Variants in CREB3L2 observed in about 807,000 individuals in gnomAD.
CREB3L2 encodes the protein cAMP responsive element binding protein 3 like 2, also known as cyclic AMP-responsive element-binding protein 3-like protein 2.
In CREB3L2, 23 loss-of-function variants were observed where a neutral mutation model predicts 57.2. The observed-to-expected ratio is 0.40, with a 90% confidence interval of 0.29 to 0.57. CREB3L2 has a LOEUF of 0.57. Ranked by LOEUF, CREB3L2 falls within the 20% of genes least tolerant of loss-of-function variation. The probability of loss-of-function intolerance (pLI) is 0.42; values close to 1 mark genes in which losing one functional copy is unlikely to be tolerated. For missense variants in CREB3L2, 628 were observed against 634.7 expected (o/e 0.99, Z 0.11); for synonymous variants, 268 against 265.1 (o/e 1.01, Z -0.11).
chr7:137,880,502 C>G lies in CREB3L2; in HGVS notation c.1537G>C (p.Asp513His). 1 of 1,613,760 alleles carries G rather than the reference C, an allele frequency of 6.2e-7. No individual in the cohort carries two copies. The highest frequency in any genetic ancestry group is 8.5e-7 in the Non-Finnish European group (1 of 1,179,820). ...GNETLKVVEL[D>H]RRVNTTF ...TAGAAAGTGGTGTTCACTCTTCTGT[C>G]GAGTTCTACAACTTTTAGTGTTTCA... Residue 513 changes from aspartate to histidine, a missense_variant, in exon 12 of 12, where the codon GAC (aspartate) becomes CAC (histidine). Physicochemically the swap from Asp to His is moderately conservative, Grantham distance 81 (BLOSUM62 -1). Around this residue, in one of 3 missense-constraint regions of CREB3L2, gnomAD observed 272 missense variants for 242.7 expected, o/e 1.12. Coordinates refer to ENST00000330387, the MANE Select transcript of CREB3L2 (RefSeq NM_194071.4). This position sits in a 1 kb window ranked among gnomAD's most constrained non-coding sequence, Gnocchi z 4.0.
At chr7:137,920,584 G>A (rs560562920) in intron 2 of CREB3L2, among the ~76,000 whole-genome samples, 22 of 152,172 alleles carry the variant, frequency 1.4e-4, no homozygotes, top group Admixed American at 3.9e-4. Flanking sequence ...CAATATAGCC[G>A]AATGTATGAA....
At position 137,880,246 on chromosome 7, in the gene CREB3L2, G is replaced by C; in HGVS notation, c.*230C>G. On this transcript the variant is annotated 3_prime_UTR_variant, in exon 12 of 12. Transcript: ENST00000330387. The surrounding 1 kb of genome is among the most constrained non-coding windows in gnomAD (Gnocchi z 4.0). ...CTAAAATAATTTCCTATGGCAGTAAGAGAAAGGAAGGGAGGGATGCAGGCT... is the reference window on the plus strand; with the variant it reads ...CTAAAATAATTTCCTATGGCAGTAACAGAAAGGAAGGGAGGGATGCAGGCT... The C allele has an allele frequency of 1.8e-6, 1 of 553,124 alleles. No homozygotes were observed. The highest frequency in any genetic ancestry group is 3.2e-5 in the Admixed American group (1 of 31,720). 34.3% of individuals were successfully genotyped at this position (553,124 alleles called of 1,614,324 possible). A position where few individuals can be genotyped will look rare whatever the true frequency, so the allele number is the denominator to read the frequency against.
chr7:137,937,678 G>T (rs898797701), intron 1 of CREB3L2, among the ~76,000 whole-genome samples: 2 of 152,174 alleles, frequency 1.3e-5, no homozygotes, highest in African/African-American at 4.8e-5. Context: ...AATGGGGGCT[G>T]AGCTTCGAAC....
chr7:137,940,158 C>A (rs35615147), intron 1 of CREB3L2, among the ~76,000 whole-genome samples: 13,869 of 152,156 alleles, frequency 0.091, 932 homozygotes, highest in Admixed American at 0.22. Context: ...GCCCTCTCTG[C>A]AGTCATAAGC....
chr7:137,979,081 A>C (rs1178182563), intron 1 of CREB3L2, among the ~76,000 whole-genome samples: 1 of 152,176 alleles, frequency 6.6e-6, no homozygotes, highest in Non-Finnish European at 1.5e-5. Flanking sequence ...TAAGTAATTG[A>C]CCATATCTGC....
rs553684734 is a variant in CREB3L2 at position 137,982,259 on chromosome 7, A to T, written c.102+19345T>A. Among the ~76,000 whole-genome samples, 5 of 152,326 alleles carry T rather than the reference A, an allele frequency of 3.3e-5. No homozygotes were observed. In the East Asian group the frequency reaches 9.6e-4, roughly 29 times the overall value. On this transcript the variant is annotated intron_variant, in intron 1 of 11. Coordinates refer to ENST00000330387, the MANE Select transcript of CREB3L2 (RefSeq NM_194071.4). The stretch of plus-strand genomic sequence containing the variant: ...CCTCTTGAGGCCATAAACTCAGCTT[A>T]AGAACCTTCAGTCTGTAGGTTTTCA...
intron 2 of CREB3L2, among the ~76,000 whole-genome samples, chr7:137,923,275 CA>C: frequency 6.6e-6 from 1 of 151,620 alleles, no homozygotes; most frequent in East Asian, 1.9e-4. Flanking sequence ...TTACTTTTTT[CA>C]AAAAATAAAA....
intron 8 of CREB3L2, among the ~76,000 whole-genome samples, chr7:137,896,520 C>T (rs753881881): frequency 1.3e-5 from 2 of 152,238 alleles, no homozygotes; most frequent in Non-Finnish European, 2.9e-5. Flanking sequence ...AGGCTGGTCT[C>T]GAACTCCCAA....
At chr7:137,966,151 G>A (rs950810946) in intron 1 of CREB3L2, among the ~76,000 whole-genome samples, 1 of 152,186 alleles carries the variant, frequency 6.6e-6, no homozygotes, top group African/African-American at 2.4e-5. Flanking sequence ...AGAAGATACA[G>A]ATCAGAGACA....
intron 1 of CREB3L2, among the ~76,000 whole-genome samples, chr7:137,942,881 T>C (rs273991): frequency 0.39 from 59,947 of 152,100 alleles, 14,015 homozygotes; most frequent in East Asian, 0.78. Context: ...TTATTTTCTG[T>C]TACCTATAAA....
At chr7:137,936,190 AGTTATCCCAAG>A (rs1362450819) in intron 1 of CREB3L2, among the ~76,000 whole-genome samples, 2 of 152,226 alleles carry the variant, frequency 1.3e-5, no homozygotes, top group African/African-American at 4.8e-5. Context: ...ATAAAGACAG[AGTTATCCCAAG>A]GTGCAAAATG....
intron 4 of CREB3L2, among the ~76,000 whole-genome samples, chr7:137,909,299 C>T (rs1014793351): frequency 1.3e-5 from 2 of 152,160 alleles, no homozygotes; most frequent in Non-Finnish European, 2.9e-5. Context: ...CGTCTTTCCT[C>T]AAGGAGGCAC....
chr7:137,885,717 A>G (rs1799403591), intron 8 of CREB3L2, among the ~76,000 whole-genome samples: 1 of 152,186 alleles, frequency 6.6e-6, no homozygotes, highest in Admixed American at 6.5e-5. Context: ...TTCACACTTG[A>G]AAGTCCTGTT....
chr7:137,889,712 C>T (rs1321569049), intron 8 of CREB3L2, among the ~76,000 whole-genome samples: 1 of 152,110 alleles, frequency 6.6e-6, no homozygotes, highest in Non-Finnish European at 1.5e-5. Flanking sequence ...CTCAGTCATC[C>T]CCAGAATCCA....
chr7:137,967,667 C>G (rs1215715824), intron 1 of CREB3L2, among the ~76,000 whole-genome samples: 1 of 152,232 alleles, frequency 6.6e-6, no homozygotes, highest in Non-Finnish European at 1.5e-5. Context: ...AGCCCCATGT[C>G]TCTGAACTGG....
intron 1 of CREB3L2, among the ~76,000 whole-genome samples, chr7:137,972,707 A>AAAAAAACAAAACAAAC (rs1801531697): frequency 2.3e-5 from 1 of 44,238 alleles, no homozygotes; most frequent in African/African-American, 1.3e-4. Context: ...AAAAAAAAAA[A>AAAAAAACAAAACAAAC]AAAAAATATA....
At chr7:137,942,967 A>G (rs1800901914) in intron 1 of CREB3L2, among the ~76,000 whole-genome samples, 1 of 152,210 alleles carries the variant, frequency 6.6e-6, no homozygotes, top group South Asian at 2.1e-4. Flanking sequence ...GAGATATTCT[A>G]GAAAGAAAGT....
At chr7:137,914,163 T>TATA (rs1800075128) in intron 3 of CREB3L2, among the ~76,000 whole-genome samples, 1 of 149,508 alleles carries the variant, frequency 6.7e-6, no homozygotes, top group South Asian at 2.1e-4. Flanking sequence ...TTAATAATGT[T>TATA]ATAATACAAT....
intron 3 of CREB3L2, among the ~76,000 whole-genome samples, chr7:137,913,641 T>C (rs933068710): frequency 6.6e-6 from 1 of 152,104 alleles, no homozygotes; most frequent in Non-Finnish European, 1.5e-5. Flanking sequence ...ATAAAGGCAT[T>C]TTATTACAAA....
Sources: gnomAD v4.1 joint callset for allele counts (sites outside exome capture counted in the v4.1 genomes callset) on GRCh38, gnomAD v4.1.1 for gene constraint, gnomAD v4.1.1 regional missense constraint, Gnocchi (gnomAD v3.1) non-coding constraint, MANE v1.5 for transcripts, NCBI Gene and HGNC (gene_info 2026-07-23, HGNC 2026-07-21) for gene names.